Variants in FHIT observed in about 807,000 individuals in gnomAD.
FHIT encodes the protein fragile histidine triad diadenosine triphosphatase, also known as bis(5'-adenosyl)-triphosphatase.
A neutral mutation model predicts 17.9 loss-of-function variants in FHIT; 19 were observed. That is an observed-to-expected ratio of 1.06 (90% confidence interval 0.74 to 1.56). The LOEUF (loss-of-function observed/expected upper bound fraction) is 1.56, where lower values mean the gene tolerates loss of function less well. Among genes scored for constraint, FHIT ranks in the 40% most tolerant of loss-of-function variants. The probability of loss-of-function intolerance (pLI) is 0.00; values close to 1 mark genes in which losing one functional copy is unlikely to be tolerated. For missense variants in FHIT, 248 were observed against 189.2 expected (o/e 1.31, Z -1.82); for synonymous variants, 81 against 69.7 (o/e 1.16, Z -0.81).
chr3:59,914,103 C>A (rs940550876), intron 8 of FHIT, among the ~76,000 whole-genome samples: 9 of 152,258 alleles, frequency 5.9e-5, no homozygotes, highest in African/African-American at 2.2e-4. Context: ...TACAAAGAAA[C>A]AGGTGAAATT....
chr3:60,638,248 C>T (rs1337476682), intron 4 of FHIT, among the ~76,000 whole-genome samples: 3 of 152,104 alleles, frequency 2.0e-5, no homozygotes, highest in Non-Finnish European at 4.4e-5. Context: ...CGTTTTTCCT[C>T]ATAGAGGAAT....
intron 8 of FHIT, among the ~76,000 whole-genome samples, chr3:59,897,851 C>T (rs1010569529): frequency 1.3e-5 from 2 of 151,758 alleles, no homozygotes; most frequent in Non-Finnish European, 2.9e-5. Flanking sequence ...ACTGCAAGCT[C>T]CGCCTCCCGG....
chr3:60,778,648 C>T (rs906610180), intron 4 of FHIT, among the ~76,000 whole-genome samples: 2 of 152,238 alleles, frequency 1.3e-5, no homozygotes, highest in South Asian at 4.1e-4. Flanking sequence ...TTGTTTCTCT[C>T]TGCCTGGTTC....
At chr3:61,130,913 A>G (rs1294150484) in intron 2 of FHIT, among the ~76,000 whole-genome samples, 1 of 152,234 alleles carries the variant, frequency 6.6e-6, no homozygotes, top group Non-Finnish European at 1.5e-5. Flanking sequence ...TTATTAAAAT[A>G]AAATAATGAT....
intron 2 of FHIT, among the ~76,000 whole-genome samples, chr3:61,199,803 A>C (rs1398532148): frequency 6.6e-6 from 1 of 152,204 alleles, no homozygotes; most frequent in Non-Finnish European, 1.5e-5. Context: ...ATGAAAACAA[A>C]TGTAAAATTA....
chr3:59,926,363 C>T (rs190478993), intron 7 of FHIT, among the ~76,000 whole-genome samples: 231 of 152,230 alleles, frequency 1.5e-3, no homozygotes, highest in African/African-American at 4.1e-3. Context: ...GCCAGGGATA[C>T]GGTAATGGAC....
chr3:60,239,490 A>G (rs1223070687), intron 5 of FHIT, among the ~76,000 whole-genome samples: 1 of 152,180 alleles, frequency 6.6e-6, no homozygotes, highest in South Asian at 2.1e-4. Context: ...GCTTATGCCC[A>G]GGAGCTCAAG....
At chr3:60,310,940 AT>A (rs1708915278) in intron 5 of FHIT, among the ~76,000 whole-genome samples, 1 of 152,102 alleles carries the variant, frequency 6.6e-6, no homozygotes. Context: ...TTGAAAATAA[AT>A]TGCATTTAGC....
At chr3:60,813,218 G>C (rs1349434289) in intron 4 of FHIT, among the ~76,000 whole-genome samples, 4 of 151,144 alleles carry the variant, frequency 2.6e-5, no homozygotes, top group African/African-American at 9.7e-5. Context: ...GCCTCCATGG[G>C]ATGACAAGCA....
chr3:60,517,069 A>T (rs931935058), intron 5 of FHIT, among the ~76,000 whole-genome samples: 2 of 152,212 alleles, frequency 1.3e-5, no homozygotes, highest in Non-Finnish European at 2.9e-5. Flanking sequence ...CATTTTGGCT[A>T]TAAAAACATG....
intron 5 of FHIT, among the ~76,000 whole-genome samples, chr3:60,476,075 A>G (rs999198651): frequency 6.6e-6 from 1 of 152,228 alleles, no homozygotes; most frequent in African/African-American, 2.4e-5. Context: ...AGTTAATAGA[A>G]GTGAGATAGT....
Position 60,092,218 on chromosome 3 carries a change from T to A in FHIT, c.104-78066A>T, listed in dbSNP as rs1490624426. ...AATGAAAGAATAAATGATTATACAG[T>A]GTACTTGTTTCATAATTGTAACTGG... On this transcript the variant is annotated intron_variant, in intron 5 of 9. Transcript: ENST00000492590. Among the ~76,000 whole-genome samples the A allele has an allele frequency of 2.6e-5, 4 of 152,326 alleles. No individual in the cohort carries two copies. The East Asian group carries it at 5.8e-4, about 22-fold the overall frequency.
At chr3:60,761,442 A>C in intron 4 of FHIT, among the ~76,000 whole-genome samples, 1 of 152,194 alleles carries the variant, frequency 6.6e-6, no homozygotes, top group East Asian at 1.9e-4. Context: ...ACATTTCAAT[A>C]ATGTGACACA....
chr3:61,246,906 C>T (rs1235067526), intron 1 of FHIT, among the ~76,000 whole-genome samples: 1 of 151,970 alleles, frequency 6.6e-6, no homozygotes, highest in African/African-American at 2.4e-5. Flanking sequence ...ATTACTCAGG[C>T]TCACCTCTGC....
intron 5 of FHIT, among the ~76,000 whole-genome samples, chr3:60,205,852 T>C (rs1188425913): frequency 6.6e-6 from 1 of 152,016 alleles, no homozygotes; most frequent in Non-Finnish European, 1.5e-5. Context: ...CTCACGCCTG[T>C]AATCCCAGCA....
intron 5 of FHIT, among the ~76,000 whole-genome samples, chr3:60,341,934 G>A (rs577509716): frequency 2.0e-4 from 31 of 152,204 alleles, no homozygotes; most frequent in African/African-American, 5.8e-4. Flanking sequence ...CATGACCAGC[G>A]AGGATTAGAA....
chr3:60,832,854 AT>A (rs1374861386), intron 3 of FHIT, among the ~76,000 whole-genome samples: 1 of 152,182 alleles, frequency 6.6e-6, no homozygotes, highest in Non-Finnish European at 1.5e-5. Context: ...TTAATAAGAG[AT>A]TTTACGCTAA....
At chr3:60,339,813 G>A (rs1241803576) in intron 5 of FHIT, among the ~76,000 whole-genome samples, 1 of 152,080 alleles carries the variant, frequency 6.6e-6, no homozygotes, top group East Asian at 1.9e-4. Flanking sequence ...CAGACAACAC[G>A]GTGGGCCATG....
At chr3:61,180,489 T>C (rs1188674456) in intron 2 of FHIT, among the ~76,000 whole-genome samples, 2 of 152,218 alleles carry the variant, frequency 1.3e-5, no homozygotes, top group Non-Finnish European at 2.9e-5. Context: ...TTAGACCTAG[T>C]TTTGTTTTCA....
Sources: allele counts gnomAD v4.1 joint callset (sites outside exome capture counted in the v4.1 genomes callset), GRCh38; gene constraint gnomAD v4.1.1; transcripts MANE v1.5; gene names NCBI Gene and HGNC (gene_info 2026-07-23, HGNC 2026-07-21).